Variants in SH3KBP1 observed in about 807,000 individuals in gnomAD.
SH3KBP1 encodes the protein SH3 domain-containing kinase-binding protein 1.
In SH3KBP1, 8 loss-of-function variants were observed where a neutral mutation model predicts 50.1. That is an observed-to-expected ratio of 0.16 (90% confidence interval 0.09 to 0.29). The LOEUF (loss-of-function observed/expected upper bound fraction) is 0.29. Ranked by LOEUF, SH3KBP1 falls within the 10% of genes least tolerant of loss-of-function variation. The pLI is 1.00. For synonymous variants in SH3KBP1, 227 were observed against 218.6 expected (o/e 1.04, Z -0.34); for missense variants, 377 against 535.2 (o/e 0.70, Z 2.92).
chrX:19,645,608 T>C lies in SH3KBP1; in HGVS notation c.727-133A>G, dbSNP rs984617767. 32 of 480,599 alleles carry C rather than the reference T, an allele frequency of 6.7e-5. No homozygotes were observed. In the African/African-American group the frequency reaches 7.0e-4, roughly 10 times the overall value. The allele number at this position is 480,599 out of a possible 1,213,427, so 39.6% of individuals were successfully genotyped here. ...CCACATTCTTTGGTTTATGCCCTGC[T>C]CTGTATACTGGCTGCCCCCCTTTAA... On this transcript the variant is annotated intron_variant, in intron 6 of 17. Transcript: ENST00000397821.
chrX:19,887,457 G>A lies in SH3KBP1; in HGVS notation c.-147C>T. On this transcript the variant is annotated 5_prime_UTR_variant, in exon 1 of 18. Transcript: ENST00000397821. ...CTGGGCCGGCTTCTTCCTCAGTGGCGGCGGCGGCGGCTCAGCGCCGCCCGC... is the reference window on the plus strand; with the variant it reads ...CTGGGCCGGCTTCTTCCTCAGTGGCAGCGGCGGCGGCTCAGCGCCGCCCGC... The A allele has an allele frequency of 2.5e-6, 1 of 406,734 alleles. No individual in the cohort carries two copies. The highest frequency in any genetic ancestry group is 3.6e-6 in the Non-Finnish European group (1 of 275,751). 33.5% of individuals were successfully genotyped at this position (406,734 alleles called of 1,213,427 possible). A position where few individuals can be genotyped will look rare whatever the true frequency, so the allele number is the denominator to read the frequency against.
At chrX:19,843,653 C>T (rs928123335) in intron 1 of SH3KBP1, among the ~76,000 whole-genome samples, 4 of 111,360 alleles carry the variant, frequency 3.6e-5, no homozygotes, top group Admixed American at 1.9e-4. Context: ...GACAGACAGT[C>T]CCTGGGCCTG....
At chrX:19,635,531 G>T (rs777215216) in intron 7 of SH3KBP1, among the ~76,000 whole-genome samples, 1 of 98,850 alleles carries the variant, frequency 1.0e-5, no homozygotes, top group Admixed American at 1.1e-4. Context: ...CGTGTATCCC[G>T]TTTTTTTTTT....
At chrX:19,755,589 AC>A (rs1194297258) in intron 2 of SH3KBP1, among the ~76,000 whole-genome samples, 1 of 111,425 alleles carries the variant, frequency 9.0e-6, no homozygotes, top group Admixed American at 9.5e-5. Context: ...AATGACTCAA[AC>A]ATGCAACAAG....
At chrX:19,581,431 T>C (rs917954264) in intron 12 of SH3KBP1, among the ~76,000 whole-genome samples, 3 of 112,399 alleles carry the variant, frequency 2.7e-5, no homozygotes, top group Non-Finnish European at 5.6e-5. Flanking sequence ...AAGTATTCAG[T>C]TTACCTGCTG....
intron 14 of SH3KBP1, among the ~76,000 whole-genome samples, chrX:19,549,454 G>A (rs2065178794): frequency 9.0e-6 from 1 of 111,484 alleles, no homozygotes; most frequent in South Asian, 3.7e-4. Flanking sequence ...GTTCCAATCA[G>A]TCTCTCCTTC....
intron 2 of SH3KBP1, among the ~76,000 whole-genome samples, chrX:19,754,560 T>C (rs993097625): frequency 1.8e-5 from 2 of 111,655 alleles, no homozygotes; most frequent in African/African-American, 6.5e-5. Flanking sequence ...CTCTGCCTCT[T>C]GGGTTCAAGC....
At chrX:19,682,224 C>T (rs4131939) in intron 6 of SH3KBP1, among the ~76,000 whole-genome samples, 17,865 of 109,837 alleles carry the variant, frequency 0.16, 1,227 homozygotes, top group African/African-American at 0.22. Flanking sequence ...AAGAAATGTG[C>T]TGAGATAAAA....
Position 19,685,555 on chromosome X carries a change from C to T in SH3KBP1, c.521-1527G>A, listed in dbSNP as rs188928895. On this transcript the variant is annotated intron_variant, in intron 5 of 17. Coordinates refer to ENST00000397821, the MANE Select transcript of SH3KBP1 (RefSeq NM_031892.3). ...CAGCCCACAACAAGGGGGTCGGCTGCAATTCACAGGAAGGATTAGAGTGTG... is the reference window on the plus strand; with the variant it reads ...CAGCCCACAACAAGGGGGTCGGCTGTAATTCACAGGAAGGATTAGAGTGTG... Among the ~76,000 whole-genome samples the T allele has an allele frequency of 4.5e-3, 508 of 111,662 alleles. 3 individuals carry two copies. Among genetic ancestry groups the T allele is most frequent in the African/African-American group, 0.015 (473 of 30,726 alleles).
chrX:19,685,052 A>C (rs1301760029), intron 5 of SH3KBP1, among the ~76,000 whole-genome samples: 1 of 112,479 alleles, frequency 8.9e-6, no homozygotes, highest in Non-Finnish European at 1.9e-5. Context: ...AAACTCTGTC[A>C]TTAACCTGTC....
intron 2 of SH3KBP1, among the ~76,000 whole-genome samples, chrX:19,764,941 T>C (rs1376906896): frequency 9.6e-6 from 1 of 104,709 alleles, no homozygotes; most frequent in Non-Finnish European, 1.9e-5. Flanking sequence ...CCTGAATAGC[T>C]GGAACTACAG....
intron 14 of SH3KBP1, among the ~76,000 whole-genome samples, chrX:19,549,371 A>G (rs1247553865): frequency 8.9e-6 from 1 of 111,993 alleles, no homozygotes; most frequent in African/African-American, 3.2e-5. Context: ...GGTACAATAA[A>G]CGTGTAATAG....
intron 2 of SH3KBP1, among the ~76,000 whole-genome samples, chrX:19,822,272 C>A (rs1199986174): frequency 8.9e-6 from 1 of 111,991 alleles, no homozygotes; most frequent in African/African-American, 3.2e-5. Flanking sequence ...TCATAACCTT[C>A]TTTTCTCCTT....
intron 6 of SH3KBP1, among the ~76,000 whole-genome samples, chrX:19,681,516 T>C (rs1239612346): frequency 8.9e-6 from 1 of 112,450 alleles, no homozygotes; most frequent in Non-Finnish European, 1.9e-5. Context: ...GTGACATATA[T>C]AACAAAAATA....
intron 16 of SH3KBP1, among the ~76,000 whole-genome samples, chrX:19,541,260 T>C (rs909813596): frequency 1.8e-5 from 2 of 111,744 alleles, no homozygotes; most frequent in Non-Finnish European, 3.8e-5. Flanking sequence ...GCAAACCACA[T>C]CCTGGATGAT....
chrX:19,886,726 G>C lies in SH3KBP1; in HGVS notation c.4+581C>G, dbSNP rs2069593503. ...GAAAGGGTCGGGGCCGGGAGGAAGGGGGGCGCAAGGAGAGGAGCGTCAGGT... is the reference window on the plus strand; with the variant it reads ...GAAAGGGTCGGGGCCGGGAGGAAGGCGGGCGCAAGGAGAGGAGCGTCAGGT... On this transcript the variant is annotated intron_variant, in intron 1 of 17. Transcript: ENST00000397821. Among the ~76,000 whole-genome samples, 5 of 110,904 alleles carry C rather than the reference G, an allele frequency of 4.5e-5. No individual in the cohort carries two copies. In the Admixed American group the frequency reaches 4.7e-4, roughly 10 times the overall value.
At chrX:19,725,701 C>A (rs1295277160) in intron 3 of SH3KBP1, among the ~76,000 whole-genome samples, 2 of 111,154 alleles carry the variant, frequency 1.8e-5, no homozygotes, top group Non-Finnish European at 3.8e-5. Flanking sequence ...AAAGGTGGGT[C>A]TGCCCAGAGC....
At chrX:19,558,358 T>C (rs957661572) in intron 13 of SH3KBP1, among the ~76,000 whole-genome samples, 2 of 112,325 alleles carry the variant, frequency 1.8e-5, no homozygotes, top group African/African-American at 3.2e-5. Flanking sequence ...CTCACACATA[T>C]CAAGTTGAAA....
At chrX:19,608,092 C>G in intron 8 of SH3KBP1, 47 bp from the exon 9 acceptor site, 1 of 1,071,819 alleles carries the variant, frequency 9.3e-7, no homozygotes, top group Middle Eastern at 2.9e-4. Context: ...CAAGCAGCCT[C>G]CAGAGGGGTG....
Sources: allele counts gnomAD v4.1 joint callset (sites outside exome capture counted in the v4.1 genomes callset), GRCh38; gene constraint gnomAD v4.1.1; transcripts MANE v1.5; gene names NCBI Gene and HGNC (gene_info 2026-07-23, HGNC 2026-07-21).